Variants in MYO5A observed in about 807,000 individuals in gnomAD.
MYO5A encodes myosin VA.
Under a neutral mutation model 249.7 loss-of-function variants are expected in MYO5A, and 98 were observed. That is an observed-to-expected ratio of 0.39 (90% confidence interval 0.33 to 0.46). The LOEUF (loss-of-function observed/expected upper bound fraction) is 0.46. Ranked by LOEUF, MYO5A falls within the 20% of genes least tolerant of loss-of-function variation. The pLI is 0.98. For synonymous variants in MYO5A, 778 were observed against 810.6 expected, an observed-to-expected ratio of 0.96 and a Z score of 0.68; for missense variants, 1,696 against 2,308.8, an observed-to-expected ratio of 0.73 and a Z score of 5.44.
At chr15:52,424,128 T>C (rs1185028421) in intron 4 of MYO5A, among the ~76,000 whole-genome samples, 1 of 152,220 alleles carries the variant, frequency 6.6e-6, no homozygotes, top group Non-Finnish European at 1.5e-5. Flanking sequence ...CTGGTAGATT[T>C]TTCCAACTTA....
At chr15:52,341,239 T>C (rs1039545611) in intron 31 of MYO5A, among the ~76,000 whole-genome samples, 16 of 152,256 alleles carry the variant, frequency 1.1e-4, no homozygotes, top group African/African-American at 3.9e-4. Context: ...TCCAGCCTTA[T>C]ATATACAGAT....
At chr15:52,488,499 T>C (rs527994187) in intron 1 of MYO5A, among the ~76,000 whole-genome samples, 3 of 152,326 alleles carry the variant, frequency 2.0e-5, no homozygotes, top group East Asian at 1.9e-4. Context: ...CTGCTGGTGC[T>C]AGTCCCTAGA....
At chr15:52,340,519 T>C in intron 31 of MYO5A, 125 bp from the exon 32 acceptor site, 5 of 818,132 alleles carry the variant, frequency 6.1e-6, no homozygotes, top group Non-Finnish European at 9.9e-6. Flanking sequence ...CTGTGTTATC[T>C]TCTGACTTGA....
chr15:52,422,569 A>C (rs1252572590), intron 4 of MYO5A, among the ~76,000 whole-genome samples: 1 of 152,130 alleles, frequency 6.6e-6, no homozygotes, highest in African/African-American at 2.4e-5. Context: ...CTGTCTTAAA[A>C]ATATACCCAG....
Position 52,340,209 on chromosome 15 carries a change from G to C in MYO5A, c.4226C>G (p.Thr1409Ser). 6.2e-7 allele frequency: 1 copy of C among 1,614,168 alleles called. No individual in the cohort carries two copies. The highest frequency in any genetic ancestry group is 8.5e-7 in the Non-Finnish European group (1 of 1,180,028). Residue 1409 changes from threonine (T) to serine (S), a missense_variant, in exon 32 of 42, where the codon ACC becomes AGC. By Grantham distance (58) the Thr-to-Ser change is moderately conservative (BLOSUM62 1). Around this residue, in one of 5 missense-constraint regions of MYO5A, gnomAD observed 625 missense variants for 908.1 expected, o/e 0.69. Coordinates refer to ENST00000399233, the MANE Select transcript of MYO5A (RefSeq NM_001382347.1). ...ASLQHEITRL[T>S]NENLYFEELY... ...AGCTCTCCTTACCAAGTTTTCGTTG[G>C]TCAGCCGGGTGATCTCGTGCTGCAG...
chr15:52,318,456 CAA>C lies in MYO5A; in HGVS notation c.5234+602_5234+603del, dbSNP rs35901511. On this transcript the variant is annotated intron_variant, in intron 39 of 41. Coordinates refer to ENST00000399233, the MANE Select transcript of MYO5A (RefSeq NM_001382347.1). ...GGGCAACAAGAGCAAAACTCCATCT[CAA>C]AAAAAAAAAAAAAAAAAAAAATTTG... Among the ~76,000 whole-genome samples, 164 of 87,506 alleles carry C rather than the reference CAA, an allele frequency of 1.9e-3. 2 individuals are homozygous for C. The highest frequency in any genetic ancestry group is 9.2e-3 in the East Asian group (28 of 3,048). 57.4% of individuals were successfully genotyped at this position (87,506 alleles called of 152,430 possible).
chr15:52,494,653 C>T (rs545714001), intron 1 of MYO5A, among the ~76,000 whole-genome samples: 24 of 152,192 alleles, frequency 1.6e-4, no homozygotes, highest in African/African-American at 4.6e-4. Flanking sequence ...CCACCACGTC[C>T]GGATAATTTT....
At position 52,308,227 on chromosome 15, in the gene MYO5A, T is replaced by TAA. The variant is rs1365934029; in HGVS notation, c.*5468_*5469insTT. 6.6e-6 allele frequency: 1 copy of TAA among 152,204 alleles called. No individual in the cohort carries two copies. The highest frequency in any genetic ancestry group is 6.5e-5 in the Admixed American group (1 of 15,280). The allele number at this position is 152,204 out of a possible 1,614,324, so 9.4% of individuals were successfully genotyped here. A position where few individuals can be genotyped will look rare whatever the true frequency, so the allele number is the denominator to read the frequency against. Reference sequence around the variant, plus strand: ...AACGAACATTTTAGATAGACCAAATTACAAATAAAAAAAGTATAAAAAGCA... The same window carrying TAA: ...AACGAACATTTTAGATAGACCAAATTAAACAAATAAAAAAAGTATAAAAAGCA... On this transcript the variant is annotated 3_prime_UTR_variant, in exon 42 of 42. Coordinates refer to ENST00000399233, the MANE Select transcript of MYO5A (RefSeq NM_001382347.1).
At chr15:52,468,207 C>G (rs746944477) in intron 1 of MYO5A, among the ~76,000 whole-genome samples, 3 of 151,830 alleles carry the variant, frequency 2.0e-5, no homozygotes, top group Admixed American at 1.3e-4. Flanking sequence ...CCCAACTATT[C>G]GGGAGGATCA....
intron 3 of MYO5A, among the ~76,000 whole-genome samples, chr15:52,426,917 G>A (rs1023759773): frequency 2.0e-5 from 3 of 152,070 alleles, no homozygotes; most frequent in African/African-American, 7.2e-5. Context: ...AAGAAAGACA[G>A]TAAGGAGGGG....
At chr15:52,371,799 G>A (rs898638957) in intron 21 of MYO5A, among the ~76,000 whole-genome samples, 3 of 151,860 alleles carry the variant, frequency 2.0e-5, no homozygotes, top group African/African-American at 4.8e-5. Flanking sequence ...GAGCCCAGCA[G>A]GTTGAGGCTG....
chr15:52,383,722 G>C (rs2041857859), intron 15 of MYO5A, among the ~76,000 whole-genome samples: 1 of 152,188 alleles, frequency 6.6e-6, no homozygotes, highest in Admixed American at 6.5e-5. Flanking sequence ...AGGACAGCAA[G>C]CTGAGGAGCG....
intron 20 of MYO5A, among the ~76,000 whole-genome samples, chr15:52,373,786 C>T (rs905980594): frequency 3.3e-5 from 5 of 152,064 alleles, no homozygotes; most frequent in Admixed American, 2.0e-4. Flanking sequence ...AACTTCAAAC[C>T]TCTTTCCTCC....
At chr15:52,384,450 C>A in intron 14 of MYO5A, 128 bp from the exon 15 acceptor site, 1 of 962,348 alleles carries the variant, frequency 1.0e-6, no homozygotes, top group Non-Finnish European at 1.6e-6. Context: ...CAGAAAGAGT[C>A]AGTATCTGTG....
rs1472767190 is a variant in MYO5A at position 52,367,008 on chromosome 15, T to C, written c.3160+23A>G. 2.5e-6 allele frequency: 4 copies of C among 1,591,972 alleles called. No homozygotes were observed. The Admixed American group carries it at 6.7e-5, about 27-fold the overall frequency. On this transcript the variant is annotated intron_variant, in intron 23 of 41. Coordinates refer to ENST00000399233, the MANE Select transcript of MYO5A (RefSeq NM_001382347.1). ...AACTTTGGTGTGAGGTTGGTTGGCGTGTAGTACGCATATAAGCTTTACCTG... is the reference window on the plus strand; with the variant it reads ...AACTTTGGTGTGAGGTTGGTTGGCGCGTAGTACGCATATAAGCTTTACCTG...
chr15:52,430,998 G>A (rs1362248909), intron 2 of MYO5A, among the ~76,000 whole-genome samples: 2 of 151,754 alleles, frequency 1.3e-5, no homozygotes, highest in African/African-American at 2.4e-5. Flanking sequence ...TTGGGAGGCC[G>A]AGGTGGGTGG....
intron 1 of MYO5A, among the ~76,000 whole-genome samples, chr15:52,479,086 C>G (rs542823385): frequency 6.3e-4 from 96 of 152,098 alleles, no homozygotes; most frequent in African/African-American, 2.2e-3. Context: ...ACCTCTGCCC[C>G]CTGGGTTCAA....
chr15:52,385,120 AAG>A (rs1173845179), intron 14 of MYO5A, among the ~76,000 whole-genome samples: 1 of 152,220 alleles, frequency 6.6e-6, no homozygotes, highest in Non-Finnish European at 1.5e-5. Flanking sequence ...TATGGAAAAA[AAG>A]AGACTTCAAA....
At chr15:52,505,256 G>A in intron 1 of MYO5A, 1 of 775,568 alleles carries the variant, frequency 1.3e-6, no homozygotes, top group Admixed American at 1.7e-5. Context: ...ACAGACAAGA[G>A]CTACATCAAG....
Sources: gnomAD v4.1 joint callset for allele counts (sites outside exome capture counted in the v4.1 genomes callset) on GRCh38, gnomAD v4.1.1 for gene constraint, gnomAD v4.1.1 regional missense constraint, MANE v1.5 for transcripts, NCBI Gene and HGNC (gene_info 2026-07-23, HGNC 2026-07-21) for gene names.